Variants in DPP6 observed in about 807,000 individuals in gnomAD.
DPP6 encodes the protein dipeptidyl peptidase like 6.
Under a neutral mutation model 122.6 loss-of-function variants are expected in DPP6, and 69 were observed. That is an observed-to-expected ratio of 0.56 (90% CI 0.46 to 0.69). The LOEUF (loss-of-function observed/expected upper bound fraction) is 0.69, where lower values mean the gene tolerates loss of function less well. DPP6 is among the 30% of genes least tolerant of loss of function. The pLI, the probability that DPP6 is intolerant of heterozygous loss-of-function variation, is 0.00. For synonymous variants in DPP6, 418 were observed against 433.1 expected (o/e 0.97, Z 0.43); for missense variants, 928 against 1,116.9 (o/e 0.83, Z 2.41).
intron 1 of DPP6, among the ~76,000 whole-genome samples, chr7:154,266,491 A>T (rs1348480895): frequency 1.3e-5 from 2 of 152,144 alleles, no homozygotes; most frequent in Non-Finnish European, 2.9e-5. Context: ...AGGCATGAGA[A>T]TCACTTGAAC....
At chr7:154,078,351 TACACACAC>T (rs3052965) in intron 1 of DPP6, among the ~76,000 whole-genome samples, 30,154 of 149,416 alleles carry the variant, frequency 0.2, 2,992 homozygotes, top group East Asian at 0.34. Flanking sequence ...AGTGCATATG[TACACACAC>T]ACACACACAC....
chr7:154,779,396 C>A (rs1796894514), intron 10 of DPP6, among the ~76,000 whole-genome samples: 1 of 151,900 alleles, frequency 6.6e-6, no homozygotes, highest in Non-Finnish European at 1.5e-5. Context: ...TGTTGCTCTC[C>A]ATTCTTAGGT....
chr7:154,122,208 T>C (rs1807525151), intron 1 of DPP6, among the ~76,000 whole-genome samples: 1 of 152,198 alleles, frequency 6.6e-6, no homozygotes, highest in Non-Finnish European at 1.5e-5. Flanking sequence ...GGAATGATTG[T>C]TCCCATCACA....
chr7:154,171,393 C>T (rs747202342), intron 1 of DPP6, among the ~76,000 whole-genome samples: 105 of 152,326 alleles, frequency 6.9e-4, no homozygotes, highest in Non-Finnish European at 1.4e-3. Flanking sequence ...AGCCCTTTTG[C>T]TCCCTGAGCT....
At position 154,760,346 on chromosome 7, in the gene DPP6, G is replaced by A. The variant is rs1003354164; in HGVS notation, c.884-9071G>A. On this transcript the variant is annotated intron_variant, in intron 8 of 25. Transcript: ENST00000377770. The surrounding 1 kb of genome is among the most constrained non-coding windows in gnomAD (Gnocchi z 4.5). ...TCATGGGCTGTGTGTGCAAATTCAG[G>A]GGGGTGGGGTGGAGGAAATTCAGTC... Among the ~76,000 whole-genome samples, 1 of 152,106 alleles carries A rather than the reference G, an allele frequency of 6.6e-6. No homozygotes were observed. Among genetic ancestry groups the A allele is most frequent in the Non-Finnish European group, 1.5e-5 (1 of 68,024 alleles).
the DPP6 span, among the ~76,000 whole-genome samples, chr7:153,801,802 G>C: frequency 5.3e-5 from 8 of 152,158 alleles, no homozygotes; most frequent in African/African-American, 1.9e-4. Context: ...GAGCCCTTGA[G>C]GCAGCTCTTG....
intron 7 of DPP6, among the ~76,000 whole-genome samples, chr7:154,683,263 G>T (rs1427955497): frequency 6.6e-6 from 1 of 152,136 alleles, no homozygotes; most frequent in Non-Finnish European, 1.5e-5. Context: ...TCTAGAGCCT[G>T]CGCCTGTCCC....
At chr7:154,166,710 A>G (rs1797270722) in intron 1 of DPP6, among the ~76,000 whole-genome samples, 1 of 144,180 alleles carries the variant, frequency 6.9e-6, no homozygotes, top group African/African-American at 2.9e-5. Flanking sequence ...CAGGAGTTCA[A>G]GACCAGCCTG....
intron 3 of DPP6, among the ~76,000 whole-genome samples, chr7:154,524,275 C>T (rs1285751336): frequency 6.6e-6 from 1 of 152,152 alleles, no homozygotes; most frequent in Non-Finnish European, 1.5e-5. Flanking sequence ...TCTTCATCAC[C>T]GATAGCATTA....
chr7:153,764,404 G>T, the DPP6 span, among the ~76,000 whole-genome samples: 1 of 151,590 alleles, frequency 6.6e-6, no homozygotes, highest in Non-Finnish European at 1.5e-5. Context: ...CTCTGCACTC[G>T]CCGGTCCTCC....
intron 1 of DPP6, among the ~76,000 whole-genome samples, chr7:154,356,321 A>G (rs941386960): frequency 1.3e-5 from 2 of 152,190 alleles, no homozygotes; most frequent in African/African-American, 4.8e-5. Context: ...ACTTAGCCCA[A>G]TGTTGACCAA....
Position 154,567,038 on chromosome 7 carries a change from CT to C in DPP6, c.627+123del, listed in dbSNP as rs1189608363. 9.7e-6 allele frequency: 7 copies of C among 720,772 alleles called. No individual in the cohort carries two copies. The East Asian group carries it at 2.0e-4, about 21-fold the overall frequency. The allele number at this position is 720,772 out of a possible 1,614,324, so 44.6% of individuals were successfully genotyped here. Reference sequence around the variant, plus strand: ...TGAATCCAGAAATACTTTGTACATCCTGGAAGTCTCTTTTGCATATCATACT... The same window carrying C: ...TGAATCCAGAAATACTTTGTACATCCGGAAGTCTCTTTTGCATATCATACT... On this transcript the variant is annotated intron_variant, in intron 5 of 25. Coordinates refer to ENST00000377770, the MANE Select transcript of DPP6 (RefSeq NM_130797.4).
At chr7:154,378,655 A>G (rs1813327571) in intron 1 of DPP6, among the ~76,000 whole-genome samples, 1 of 152,100 alleles carries the variant, frequency 6.6e-6, no homozygotes, top group African/African-American at 2.4e-5. Flanking sequence ...TGAAGCCTCT[A>G]CCCTCATGAC....
Position 154,486,821 on chromosome 7 carries a change from T to C in DPP6, c.457+11784T>C, listed in dbSNP as rs932330361. 2.0e-5 allele frequency among the ~76,000 whole-genome samples: 3 copies of C among 152,162 alleles called. No homozygotes were observed. Among genetic ancestry groups the C allele is most frequent in the African/African-American group, 7.2e-5 (3 of 41,438 alleles). ...CCACGCTGGTCCCTTCCAGAGGTGC[T>C]GTAGGTCCTCTGCCTGTAGGTCCTC... On this transcript the variant is annotated intron_variant, in intron 3 of 25. Transcript: ENST00000377770. This position sits in a 1 kb window ranked among gnomAD's most constrained non-coding sequence, Gnocchi z 4.5.
intron 1 of DPP6, among the ~76,000 whole-genome samples, chr7:154,111,703 C>A (rs1563210062): frequency 6.7e-6 from 1 of 149,872 alleles, no homozygotes. Flanking sequence ...GATGTCTCTT[C>A]TGATCTATAA....
rs1842380276 is a variant in DPP6 at position 154,732,335 on chromosome 7, T to C, written c.883+4448T>C. Among the ~76,000 whole-genome samples, 3 of 152,206 alleles carry C rather than the reference T, an allele frequency of 2.0e-5. No individual in the cohort carries two copies. In the South Asian group the frequency reaches 6.2e-4, roughly 32 times the overall value. ...AGCACAGAATTTTTGGCCAATAATT[T>C]GCTAATAATGACTTTAAGTTATTAA... On this transcript the variant is annotated intron_variant, in intron 8 of 25. Coordinates refer to ENST00000377770, the MANE Select transcript of DPP6 (RefSeq NM_130797.4).
rs577542234 is a variant in DPP6 at position 154,061,620 on chromosome 7, G to C, written c.243+8557G>C. Among the ~76,000 whole-genome samples the C allele has an allele frequency of 3.1e-4, 40 of 129,556 alleles. 1 individual carries two copies. In the East Asian group the frequency reaches 7.0e-3, roughly 23 times the overall value. The allele number at this position is 129,556 out of a possible 152,430, so 85.0% of individuals were successfully genotyped here. A position where few individuals can be genotyped will look rare whatever the true frequency, so the allele number is the denominator to read the frequency against. On this transcript the variant is annotated intron_variant, in intron 1 of 25. Coordinates refer to ENST00000377770, the MANE Select transcript of DPP6 (RefSeq NM_130797.4). ...TGGCTCTTGGGACTCCCATCACAGG[G>C]GGGGGAGGCACCCGCTGCGAGGCGG...
At chr7:154,846,895 A>T (rs1002764910) in intron 16 of DPP6, among the ~76,000 whole-genome samples, 6 of 152,214 alleles carry the variant, frequency 3.9e-5, no homozygotes, top group African/African-American at 1.4e-4. Flanking sequence ...ATGTTGGCCC[A>T]TGTCGATAGG....
chr7:154,305,833 T>C (rs2150987772), intron 1 of DPP6, among the ~76,000 whole-genome samples: 1 of 152,122 alleles, frequency 6.6e-6, no homozygotes, highest in South Asian at 2.1e-4. Context: ...GGAACCTCTG[T>C]CAAGGTAAAC....
Sources: allele counts gnomAD v4.1 joint callset (sites outside exome capture counted in the v4.1 genomes callset), GRCh38; gene constraint gnomAD v4.1.1; non-coding constraint Gnocchi (gnomAD v3.1); transcripts MANE v1.5; gene names NCBI Gene and HGNC (gene_info 2026-07-23, HGNC 2026-07-21).